PPM1D: variants seen among roughly 807,000 people sequenced by gnomAD.
PPM1D encodes protein phosphatase 1D.
Under a neutral mutation model 58.3 loss-of-function variants are expected in PPM1D, and 52 were observed. The ratio of observed to expected loss-of-function variants is 0.89; its 90% CI spans 0.71 to 1.12. The LOEUF is 1.12. PPM1D is among the 50% of genes most tolerant of loss of function. PPM1D has a pLI of 0.00. For missense variants in PPM1D, 564 were observed against 777.2 expected (o/e 0.73, Z 3.26); for synonymous variants, 278 against 285.1 (o/e 0.98, Z 0.25).
intron 1 of PPM1D, among the ~76,000 whole-genome samples, chr17:60,618,277 A>G (rs1438914749): frequency 6.6e-6 from 1 of 152,148 alleles, no homozygotes; most frequent in Non-Finnish European, 1.5e-5. Flanking sequence ...TGGTTGACTC[A>G]TGTATTTGTT....
intron 3 of PPM1D, among the ~76,000 whole-genome samples, chr17:60,640,594 A>G (rs567486820): frequency 2.0e-5 from 3 of 152,240 alleles, no homozygotes; most frequent in South Asian, 4.2e-4. Context: ...TTACATGGGT[A>G]TATTGCATGG....
chr17:60,616,266 C>T (rs1354281403), intron 1 of PPM1D, among the ~76,000 whole-genome samples: 12 of 137,044 alleles, frequency 8.8e-5, no homozygotes, highest in East Asian at 6.3e-4. Context: ...GTAGCCTGGG[C>T]GACAGAGCAA....
intron 4 of PPM1D, among the ~76,000 whole-genome samples, chr17:60,648,671 C>T (rs1278373349): frequency 1.3e-5 from 2 of 152,006 alleles, no homozygotes; most frequent in South Asian, 2.1e-4. Context: ...TGAGCCACTG[C>T]GCCCGGCCAA....
chr17:60,634,137 A>G (rs961553650), intron 3 of PPM1D, among the ~76,000 whole-genome samples, 160 bp downstream of exon 3: 1 of 152,184 alleles, frequency 6.6e-6, no homozygotes, highest in African/African-American at 2.4e-5. Flanking sequence ...GAAGCCATGC[A>G]TGGTGGCTCA....
At chr17:60,646,185 T>C (rs2031248088) in intron 3 of PPM1D, among the ~76,000 whole-genome samples, 1 of 152,226 alleles carries the variant, frequency 6.6e-6, no homozygotes, top group Admixed American at 6.5e-5. Flanking sequence ...CTTTGTGAGC[T>C]TATCTGGATT....
intron 4 of PPM1D, among the ~76,000 whole-genome samples, chr17:60,650,821 T>C (rs2143707635): frequency 6.6e-6 from 1 of 151,778 alleles, no homozygotes; most frequent in East Asian, 1.9e-4. Context: ...AGGGGTGGCA[T>C]GCTCCTATAG....
chr17:60,636,729 T>G (rs902052312), intron 3 of PPM1D, among the ~76,000 whole-genome samples: 3 of 151,808 alleles, frequency 2.0e-5, no homozygotes, highest in Admixed American at 2.0e-4. Context: ...GGTCTCACTC[T>G]GTGCCCTAGG....
At chr17:60,661,599 A>G (rs2031526983) in intron 5 of PPM1D, among the ~76,000 whole-genome samples, 1 of 152,200 alleles carries the variant, frequency 6.6e-6, no homozygotes, top group Non-Finnish European at 1.5e-5. Flanking sequence ...TTGTGAAAAC[A>G]GCATTTTTAA....
At position 60,600,572 on chromosome 17, in the gene PPM1D, C is replaced by G; in HGVS notation, c.158C>G (p.Pro53Arg). Reference protein sequence around the residue: ...RSLSQPLPPRPSPAALPGGEV... With the variant: ...RSLSQPLPPRRSPAALPGGEV... ...CTGTCTCAGCCGTTGCCTCCGCGGC[C>G]GTCGCCGGCCGCCCTTCCCGGCGGC... is the stretch of plus-strand genomic sequence containing the variant. Residue 53 changes from proline to arginine, a missense_variant, in exon 1 of 6, where the codon CCG (proline) becomes CGG (arginine). By Grantham distance (103) the Pro-to-Arg change is moderately radical (BLOSUM62 -2). Coordinates refer to ENST00000305921, the MANE Select transcript of PPM1D (RefSeq NM_003620.4). 1.3e-6 allele frequency: 2 copies of G among 1,551,970 alleles called. No individual in the cohort carries two copies. The highest frequency in any genetic ancestry group is 1.7e-6 in the Non-Finnish European group (2 of 1,148,636).
rs1316631261 is a variant in PPM1D at position 60,649,350 on chromosome 17, T to G, written c.1017+1268T>G. On this transcript the variant is annotated intron_variant, in intron 4 of 5. Coordinates refer to ENST00000305921, the MANE Select transcript of PPM1D (RefSeq NM_003620.4). ...AGATGGCAGGAATAGTAAAGCTGTA[T>G]TTTGAGGTGGAAGGAGGGGCAAATT... 2.0e-5 allele frequency among the ~76,000 whole-genome samples: 3 copies of G among 152,166 alleles called. No homozygotes were observed. In the East Asian group the frequency reaches 5.8e-4, roughly 29 times the overall value.
At position 60,666,222 on chromosome 17, in the gene PPM1D, C is replaced by T. The variant is rs748778003; in HGVS notation, c.*2670C>T. On this transcript the variant is annotated 3_prime_UTR_variant, in exon 6 of 6. Coordinates refer to ENST00000305921, the MANE Select transcript of PPM1D (RefSeq NM_003620.4). ...TCTTCCAGACATCTGGAAGATTGCT[C>T]TAGTGGAGTAAAACATCTTAATGTA... 6.6e-6 allele frequency: 1 copy of T among 152,056 alleles called. No individual in the cohort carries two copies. Among genetic ancestry groups the T allele is most frequent in the Non-Finnish European group, 1.5e-5 (1 of 68,020 alleles). 9.4% of individuals were successfully genotyped at this position (152,056 alleles called of 1,614,324 possible).
intron 4 of PPM1D, among the ~76,000 whole-genome samples, chr17:60,652,331 G>A (rs2031359091): frequency 6.6e-6 from 1 of 151,896 alleles, no homozygotes; most frequent in African/African-American, 2.4e-5. Context: ...CTTTTCTATG[G>A]CCGAATACTA....
At chr17:60,624,143 T>A (rs2030757981) in intron 2 of PPM1D, among the ~76,000 whole-genome samples, 1 of 152,220 alleles carries the variant, frequency 6.6e-6, no homozygotes, top group African/African-American at 2.4e-5. Context: ...GATTTCAGAT[T>A]TACTGCAAAC....
intron 3 of PPM1D, among the ~76,000 whole-genome samples, chr17:60,640,898 A>G (rs1283644863): frequency 6.6e-6 from 1 of 151,938 alleles, no homozygotes; most frequent in East Asian, 1.9e-4. Context: ...AATGGCCTCC[A>G]GCTGCATCTG....
intron 4 of PPM1D, among the ~76,000 whole-genome samples, chr17:60,650,143 C>T (rs1030546346): frequency 2.0e-5 from 3 of 152,060 alleles, no homozygotes; most frequent in East Asian, 1.9e-4. Flanking sequence ...AAGAGTGAGA[C>T]GATAGAAAAC....
At chr17:60,606,807 T>G (rs139144755) in intron 1 of PPM1D, among the ~76,000 whole-genome samples, 1,795 of 152,160 alleles carry the variant, frequency 0.012, 19 homozygotes, top group Non-Finnish European at 0.017. Context: ...TATTCTTTTT[T>G]TGTGTGTGTG....
intron 1 of PPM1D, among the ~76,000 whole-genome samples, chr17:60,620,225 C>T (rs1181766974): frequency 6.6e-6 from 1 of 152,106 alleles, no homozygotes; most frequent in Non-Finnish European, 1.5e-5. Context: ...TATTGAACTC[C>T]TGACCTCCTG....
At chr17:60,645,520 ATGTATATATATATG>A (rs1202618356) in intron 3 of PPM1D, among the ~76,000 whole-genome samples, 4 of 133,148 alleles carry the variant, frequency 3.0e-5, no homozygotes, top group East Asian at 4.4e-4. Context: ...GTGTATATAT[ATGTATATATATATG>A]TGTATATATA....
intron 5 of PPM1D, among the ~76,000 whole-genome samples, chr17:60,659,803 T>C (rs576383529): frequency 3.7e-4 from 56 of 152,354 alleles, no homozygotes; most frequent in Admixed American, 3.5e-3. Flanking sequence ...TTGCCTGTGC[T>C]AACAGATACA....
Sources: allele counts gnomAD v4.1 joint callset (sites outside exome capture counted in the v4.1 genomes callset), GRCh38; gene constraint gnomAD v4.1.1; transcripts MANE v1.5; gene names NCBI Gene and HGNC (gene_info 2026-07-23, HGNC 2026-07-21).